UNC79: variants seen among roughly 807,000 people sequenced by gnomAD.
The protein encoded by UNC79 is unc-79 subunit of NALCN channel complex, also known as protein unc-79 homolog.
In UNC79, 37 loss-of-function variants were observed where a neutral mutation model predicts 283.1. The ratio of observed to expected loss-of-function variants is 0.13; its 90% CI spans 0.10 to 0.17. The LOEUF (loss-of-function observed/expected upper bound fraction) is 0.17. Ranked by LOEUF, UNC79 falls within the 10% of genes least tolerant of loss-of-function variation. The pLI is 1.00. For missense variants in UNC79, 2,272 were observed against 3,211.1 expected, an observed-to-expected ratio of 0.71 and a Z score of 7.07; for synonymous variants, 1,107 against 1,200.2, an observed-to-expected ratio of 0.92 and a Z score of 1.61.
At chr14:93,634,460 G>A (rs2068333350) in intron 31 of UNC79, 61 bp from the exon 34 acceptor site, 5 of 1,258,346 alleles carry the variant, frequency 4.0e-6, no homozygotes, top group Middle Eastern at 2.3e-4. Context: ...ATGGATGTGT[G>A]GAGCCTTTGT....
chr14:93,348,408 G>A (rs1490187057), intron 1 of UNC79: 3 of 326,108 alleles, frequency 9.2e-6, no homozygotes, highest in Admixed American at 9.2e-5. Flanking sequence ...AAAATTTACC[G>A]AGAACTGCTG....
chr14:93,644,879 A>C (rs560392984), intron 34 of UNC79, among the ~76,000 whole-genome samples: 1 of 152,290 alleles, frequency 6.6e-6, no homozygotes, highest in Non-Finnish European at 1.5e-5. Context: ...AGATTGTATA[A>C]AGGTAAGTGT....
intron 1 of UNC79, among the ~76,000 whole-genome samples, chr14:93,465,334 C>G (rs2057129984): frequency 6.6e-6 from 1 of 152,106 alleles, no homozygotes; most frequent in South Asian, 2.1e-4. Flanking sequence ...TTAATTTAAT[C>G]CTATGAATAT....
chr14:93,617,430 G>A lies in UNC79; in HGVS notation c.4224+126G>A. 1.0e-6 allele frequency: 1 copy of A among 996,546 alleles called. No homozygotes were observed. Among genetic ancestry groups the A allele is most frequent in the South Asian group, 2.0e-5 (1 of 51,074 alleles). The allele number at this position is 996,546 out of a possible 1,614,324, so 61.7% of individuals were successfully genotyped here. On this transcript the variant is annotated intron_variant, in intron 28 of 48. Coordinates refer to ENST00000555664, the Ensembl canonical transcript of UNC79. The surrounding 1 kb of genome is among the most constrained non-coding windows in gnomAD (Gnocchi z 4.5). Reference sequence around the variant, plus strand: ...GTTTGACCTTCAGAAGGAAGATCAGGATATGCAATTACTGTTAAGAACCAA... The same window carrying A: ...GTTTGACCTTCAGAAGGAAGATCAGAATATGCAATTACTGTTAAGAACCAA...
At chr14:93,388,279 A>G (rs1045264989) in intron 1 of UNC79, among the ~76,000 whole-genome samples, 3 of 152,054 alleles carry the variant, frequency 2.0e-5, no homozygotes, top group African/African-American at 7.2e-5. Context: ...ACCCGACTAT[A>G]AAAGTTAATA....
At chr14:93,551,678 A>G (rs1263827925) in intron 14 of UNC79, among the ~76,000 whole-genome samples, 1 of 152,236 alleles carries the variant, frequency 6.6e-6, no homozygotes, top group Non-Finnish European at 1.5e-5. Context: ...TTTTCTTTGT[A>G]TGACTATTAA....
At chr14:93,464,789 A>C (rs757322470) in intron 1 of UNC79, among the ~76,000 whole-genome samples, 53 of 152,260 alleles carry the variant, frequency 3.5e-4, no homozygotes, top group Middle Eastern at 3.4e-3. Context: ...ATATGTGTGG[A>C]GTAAAGAGGA....
At position 93,430,918 on chromosome 14, in the gene UNC79, AG is replaced by A; in HGVS notation, c.-107del. Reference sequence around the variant, plus strand: ...ACGGGCCTAAGGGAGGGGGAAAGCGAGGGGGTGGGGGGTGGGGGGTATGCAC... The same window carrying A: ...ACGGGCCTAAGGGAGGGGGAAAGCGAGGGGTGGGGGGTGGGGGGTATGCAC... On this transcript the variant is annotated 5_prime_UTR_variant, in exon 1 of 49. Transcript: ENST00000555664. This position sits in a 1 kb window ranked among gnomAD's most constrained non-coding sequence, Gnocchi z 4.6. 4.4e-6 allele frequency: 1 copy of A among 226,854 alleles called. No individual in the cohort carries two copies. Among genetic ancestry groups the A allele is most frequent in the East Asian group, 1.1e-4 (1 of 9,084 alleles). 14.1% of individuals were successfully genotyped at this position (226,854 alleles called of 1,614,324 possible).
intron 14 of UNC79, among the ~76,000 whole-genome samples, chr14:93,560,406 G>T (rs2062472236): frequency 6.6e-6 from 1 of 152,170 alleles, no homozygotes; most frequent in African/African-American, 2.4e-5. Context: ...GAGGACAACT[G>T]CAGCTTAAAG....
At chr14:93,561,202 A>G (rs1461860470) in intron 14 of UNC79, among the ~76,000 whole-genome samples, 6 of 152,222 alleles carry the variant, frequency 3.9e-5, no homozygotes, top group African/African-American at 1.4e-4. Flanking sequence ...GTGAAGGAAC[A>G]TCAAGAAGGG....
intron 1 of UNC79, among the ~76,000 whole-genome samples, chr14:93,442,224 G>GT (rs2056325747): frequency 6.6e-6 from 1 of 151,660 alleles, no homozygotes; most frequent in African/African-American, 2.4e-5. Context: ...AGTTCAAGAT[G>GT]TTTTTTTAAT....
chr14:93,355,047 T>A (rs906750821), intron 1 of UNC79, among the ~76,000 whole-genome samples: 36 of 150,532 alleles, frequency 2.4e-4, no homozygotes, highest in African/African-American at 3.2e-4. Context: ...TTTTTTTTTT[T>A]GACAGAGTTT....
At chr14:93,632,648 G>A (rs2068128546) in intron 31 of UNC79, among the ~76,000 whole-genome samples, 1 of 151,434 alleles carries the variant, frequency 6.6e-6, no homozygotes, top group Admixed American at 6.6e-5. Context: ...GCAGTGAGCT[G>A]TGATTGTGCC....
rs774422951 is a variant in UNC79, at chr14:93,593,850, T to C, written c.3190+13T>C. 1.2e-5 allele frequency: 20 copies of C among 1,610,878 alleles called. No individual in the cohort carries two copies. The highest frequency in any genetic ancestry group is 2.7e-5 in the African/African-American group (2 of 74,896). On this transcript the variant is annotated intron_variant, in intron 23 of 48. Coordinates refer to ENST00000555664, the Ensembl canonical transcript of UNC79. ...AGGTTTGAAGCAGGTACCTCTGTGT[T>C]AGCTTAAAACTCATTCTGGGTCACA...
intron 1 of UNC79, among the ~76,000 whole-genome samples, chr14:93,436,935 A>G (rs1466579066): frequency 1.3e-5 from 2 of 152,076 alleles, no homozygotes; most frequent in African/African-American, 4.8e-5. Flanking sequence ...CTCATTTGAT[A>G]TTTGATGTGG....
At chr14:93,670,067 G>T (rs533555576) in intron 40 of UNC79, among the ~76,000 whole-genome samples, 6 of 152,300 alleles carry the variant, frequency 3.9e-5, no homozygotes, top group South Asian at 2.1e-4. Flanking sequence ...GCTGTTGTTT[G>T]TCTGGGAGGT....
chr14:93,624,724 C>T (rs1218561048), intron 30 of UNC79, among the ~76,000 whole-genome samples: 1 of 152,144 alleles, frequency 6.6e-6, no homozygotes, highest in Non-Finnish European at 1.5e-5. Flanking sequence ...AAGGCTTTGC[C>T]TCCCACTGAC....
chr14:93,425,042 T>C (rs2055693882), intron 1 of UNC79, among the ~76,000 whole-genome samples: 1 of 152,178 alleles, frequency 6.6e-6, no homozygotes, highest in Non-Finnish European at 1.5e-5. Flanking sequence ...ATGGCAGGTG[T>C]ATTAGTCCAT....
chr14:93,454,636 T>C (rs2056746879), intron 1 of UNC79, among the ~76,000 whole-genome samples: 1 of 152,240 alleles, frequency 6.6e-6, no homozygotes, highest in Non-Finnish European at 1.5e-5. Context: ...ATTATTTTTC[T>C]GTTTACCAGC....
Sources: gnomAD v4.1 joint callset for allele counts (sites outside exome capture counted in the v4.1 genomes callset) on GRCh38, gnomAD v4.1.1 for gene constraint, Gnocchi (gnomAD v3.1) non-coding constraint, MANE v1.5 for transcripts, NCBI Gene and HGNC (gene_info 2026-07-23, HGNC 2026-07-21) for gene names.